SUGCT: variants seen among roughly 807,000 people sequenced by gnomAD.
SUGCT encodes succinyl-CoA:glutarate-CoA transferase.
Under a neutral mutation model 55.0 loss-of-function variants are expected in SUGCT, and 41 were observed. The observed-to-expected ratio is 0.74, with a 90% confidence interval of 0.58 to 0.97. SUGCT has a LOEUF of 0.97. Ranked by LOEUF, SUGCT falls within the 50% of genes least tolerant of loss-of-function variation. The pLI, the probability that SUGCT is intolerant of heterozygous loss-of-function variation, is 0.00. For synonymous variants in SUGCT, 187 were observed against 200.4 expected (o/e 0.93, Z 0.56); for missense variants, 568 against 547.8 (o/e 1.04, Z -0.37).
intron 12 of SUGCT, among the ~76,000 whole-genome samples, chr7:40,604,254 C>A (rs1304044279): frequency 6.6e-6 from 1 of 152,202 alleles, no homozygotes; most frequent in African/African-American, 2.4e-5. Flanking sequence ...AGCAGACAAG[C>A]AATCTCCCTG....
At chr7:40,528,912 T>C (rs1793941886) in intron 12 of SUGCT, among the ~76,000 whole-genome samples, 1 of 152,192 alleles carries the variant, frequency 6.6e-6, no homozygotes, top group African/African-American at 2.4e-5. Flanking sequence ...AGCAAGCACC[T>C]TTTGTTTGCA....
rs1337574409 is a variant in SUGCT at position 40,684,113 on chromosome 7, C to T, written c.1090-65321C>T. Reference sequence around the variant, plus strand: ...TTCCTTGGCCCATGGCCCCTTCCTTCATCTTCAAGGATCAGCAAGGGTGAG... The same window carrying T: ...TTCCTTGGCCCATGGCCCCTTCCTTTATCTTCAAGGATCAGCAAGGGTGAG... On this transcript the variant is annotated intron_variant, in intron 12 of 13. Transcript: ENST00000335693. 1.3e-5 allele frequency: 21 copies of T among 1,610,386 alleles called. No homozygotes were observed. The highest frequency in any genetic ancestry group is 1.5e-5 in the Non-Finnish European group (18 of 1,178,316).
rs140900203 is a variant in SUGCT at position 40,238,925 on chromosome 7, A to T, written c.576+1199A>T. ...AGCCTCTGCCTCCTAAGTTCAAAGGATTCTCCTGCCTCAGCCTCCCGAGTA... is the reference window on the plus strand; with the variant it reads ...AGCCTCTGCCTCCTAAGTTCAAAGGTTTCTCCTGCCTCAGCCTCCCGAGTA... On this transcript the variant is annotated intron_variant, in intron 7 of 13. Transcript: ENST00000335693. Among the ~76,000 whole-genome samples, 1,238 of 151,030 alleles carry T rather than the reference A, an allele frequency of 8.2e-3. 18 individuals carry two copies. The highest frequency in any genetic ancestry group is 0.029 in the African/African-American group (1,173 of 41,030).
the SUGCT span, among the ~76,000 whole-genome samples, chr7:41,014,144 G>C: frequency 6.6e-6 from 1 of 152,168 alleles, no homozygotes; most frequent in Non-Finnish European, 1.5e-5. Context: ...TACAGATGAT[G>C]AAACCACTGA....
At chr7:40,878,284 G>C in the SUGCT span, among the ~76,000 whole-genome samples, 1 of 152,050 alleles carries the variant, frequency 6.6e-6, no homozygotes, top group East Asian at 1.9e-4. Flanking sequence ...CTGTTTCCTA[G>C]TTATTTCTGT....
intron 6 of SUGCT, among the ~76,000 whole-genome samples, chr7:40,229,779 A>G (rs957894530): frequency 4.8e-5 from 7 of 146,618 alleles, no homozygotes; most frequent in African/African-American, 1.8e-4. Context: ...GTGCAACTGC[A>G]CTCCAGCCTG....
chr7:40,570,850 CTTTTTTTT>C (rs776733346), intron 12 of SUGCT, among the ~76,000 whole-genome samples: 53 of 52,300 alleles, frequency 1.0e-3, no homozygotes, highest in Admixed American at 4.0e-3. Context: ...GCTTTAGGCT[CTTTTTTTT>C]TTTTTTTTTT....
chr7:40,646,956 T>C lies in SUGCT; in HGVS notation c.1090-102478T>C, dbSNP rs566821256. On this transcript the variant is annotated intron_variant, in intron 12 of 13. Coordinates refer to ENST00000335693, the MANE Select transcript of SUGCT (RefSeq NM_001193313.2). Reference sequence around the variant, plus strand: ...CTGCTGCTGATTCAGAAATCAGGCATACCTGCCAGCAGAATTAGTGTAGTG... The same window carrying C: ...CTGCTGCTGATTCAGAAATCAGGCACACCTGCCAGCAGAATTAGTGTAGTG... Among the ~76,000 whole-genome samples the C allele has an allele frequency of 4.6e-5, 7 of 152,314 alleles. No individual in the cohort carries two copies. In the South Asian group the frequency reaches 1.0e-3, roughly 23 times the overall value.
intron 12 of SUGCT, among the ~76,000 whole-genome samples, chr7:40,608,162 C>T (rs1276215080): frequency 5.9e-5 from 9 of 152,186 alleles, no homozygotes; most frequent in Admixed American, 2.0e-4. Context: ...GTTTCTTCCA[C>T]ATTACGTAAT....
At chr7:40,844,054 GCCAGTT>G in intron 13 of SUGCT, among the ~76,000 whole-genome samples, 2 of 152,122 alleles carry the variant, frequency 1.3e-5, no homozygotes, top group Non-Finnish European at 2.9e-5. Flanking sequence ...ACTGGAACCA[GCCAGTT>G]GCTCCTCTCT....
At chr7:40,236,410 C>T in intron 6 of SUGCT, among the ~76,000 whole-genome samples, 1 of 116,716 alleles carries the variant, frequency 8.6e-6, no homozygotes, top group Admixed American at 1.0e-4. Context: ...AGAAGAAAAT[C>T]TTTCCTGTGT....
At chr7:41,027,475 G>A in the SUGCT span, among the ~76,000 whole-genome samples, 1 of 152,124 alleles carries the variant, frequency 6.6e-6, no homozygotes, top group South Asian at 2.1e-4. Context: ...GGTAGGAGGG[G>A]GAATTTCCCT....
intron 12 of SUGCT, among the ~76,000 whole-genome samples, chr7:40,608,562 A>T (rs1211181833): frequency 6.6e-6 from 1 of 152,226 alleles, no homozygotes; most frequent in Non-Finnish European, 1.5e-5. Flanking sequence ...CAGGCATTAC[A>T]AGGTTAGGTT....
chr7:40,192,521 A>C (rs1281331279), intron 5 of SUGCT, among the ~76,000 whole-genome samples: 1 of 152,222 alleles, frequency 6.6e-6, no homozygotes, highest in African/African-American at 2.4e-5. Flanking sequence ...TGAAAAATTA[A>C]AACATTCAGA....
intron 8 of SUGCT, among the ~76,000 whole-genome samples, chr7:40,305,267 G>A (rs188592425): frequency 8.9e-4 from 135 of 152,292 alleles, no homozygotes; most frequent in African/African-American, 3.1e-3. Flanking sequence ...GTAGCTTTCT[G>A]TGGGAATTGT....
At chr7:40,686,608 C>CT (rs11386954) in intron 12 of SUGCT, among the ~76,000 whole-genome samples, 31,505 of 151,810 alleles carry the variant, frequency 0.21, 3,398 homozygotes, top group Middle Eastern at 0.24. Flanking sequence ...GGTAAGCGGG[C>CT]TTTTTCATTG....
At chr7:40,715,876 TTTC>T (rs1378056284) in intron 12 of SUGCT, among the ~76,000 whole-genome samples, 2 of 152,178 alleles carry the variant, frequency 1.3e-5, no homozygotes, top group African/African-American at 4.8e-5. Context: ...GGACCATAGT[TTTC>T]TTCTTTGTTC....
intron 12 of SUGCT, among the ~76,000 whole-genome samples, chr7:40,510,654 A>G (rs1024772559): frequency 1.3e-5 from 2 of 152,206 alleles, no homozygotes; most frequent in African/African-American, 2.4e-5. Context: ...GGCAACGTTA[A>G]GCGTTTTCAA....
the SUGCT span, among the ~76,000 whole-genome samples, chr7:40,927,341 C>A: frequency 6.6e-6 from 1 of 152,066 alleles, no homozygotes; most frequent in Non-Finnish European, 1.5e-5. Context: ...TTGCCTTGCT[C>A]TTGTGTGGTA....
Sources: gnomAD v4.1 joint callset for allele counts (sites outside exome capture counted in the v4.1 genomes callset) on GRCh38, gnomAD v4.1.1 for gene constraint, MANE v1.5 for transcripts, NCBI Gene and HGNC (gene_info 2026-07-23, HGNC 2026-07-21) for gene names.